Variants in PLA2G4A observed in about 807,000 individuals in gnomAD.
PLA2G4A encodes cytosolic phospholipase A2.
PLA2G4A carries 40 observed loss-of-function variants against 81.9 expected under a neutral mutation model. The ratio of observed to expected loss-of-function variants is 0.49; its 90% CI spans 0.38 to 0.64. The LOEUF (loss-of-function observed/expected upper bound fraction) is 0.64. Among genes scored for constraint, PLA2G4A ranks in the 30% least tolerant of loss-of-function variants. The pLI is 0.00. For synonymous variants in PLA2G4A, 302 were observed against 296.9 expected, an observed-to-expected ratio of 1.02 and a Z score of -0.18; for missense variants, 715 against 905.1, an observed-to-expected ratio of 0.79 and a Z score of 2.69.
At chr1:186,858,849 T>C (rs969840147) in intron 2 of PLA2G4A, among the ~76,000 whole-genome samples, 6 of 152,070 alleles carry the variant, frequency 3.9e-5, no homozygotes, top group African/African-American at 1.4e-4. Context: ...TCTGTGAGCT[T>C]TACAGTTTTC....
At chr1:186,931,516 G>T (rs1655742135) in intron 7 of PLA2G4A, among the ~76,000 whole-genome samples, 1 of 99,854 alleles carries the variant, frequency 1.0e-5, no homozygotes, top group African/African-American at 3.6e-5. Context: ...AAAAATGTTT[G>T]CTATTATTAT....
intron 5 of PLA2G4A, among the ~76,000 whole-genome samples, chr1:186,898,784 A>G (rs1654437459): frequency 6.6e-6 from 1 of 152,234 alleles, no homozygotes; most frequent in African/African-American, 2.4e-5. Context: ...GCAGGTGGCC[A>G]ACAACAGTAT....
At chr1:186,968,897 A>T (rs952923166) in intron 15 of PLA2G4A, among the ~76,000 whole-genome samples, 1 of 13,528 alleles carries the variant, frequency 7.4e-5, no homozygotes, top group African/African-American at 1.2e-4. Context: ...ATTAAAGACG[A>T]AGTAAAAAAA....
At chr1:186,863,728 G>A (rs1480098265) in intron 2 of PLA2G4A, among the ~76,000 whole-genome samples, 1 of 150,900 alleles carries the variant, frequency 6.6e-6, no homozygotes, top group East Asian at 1.9e-4. Context: ...ATGGGTAGAT[G>A]TTGTGCTATT....
intron 3 of PLA2G4A, among the ~76,000 whole-genome samples, chr1:186,884,849 G>T (rs554483209): frequency 6.6e-6 from 1 of 150,604 alleles, no homozygotes; most frequent in South Asian, 2.1e-4. Context: ...GCACCATGGT[G>T]CCACTGCACT....
intron 1 of PLA2G4A, among the ~76,000 whole-genome samples, chr1:186,849,518 C>A (rs1319031314): frequency 6.6e-6 from 1 of 152,022 alleles, no homozygotes; most frequent in Non-Finnish European, 1.5e-5. Flanking sequence ...ACATGATCTG[C>A]CACTGCCTAA....
intron 14 of PLA2G4A, among the ~76,000 whole-genome samples, chr1:186,964,014 A>G (rs1657045936): frequency 6.6e-6 from 1 of 152,222 alleles, no homozygotes; most frequent in Admixed American, 6.5e-5. Context: ...GAATTATAGT[A>G]TTATTCTTAC....
At chr1:186,861,561 C>T (rs977865843) in intron 2 of PLA2G4A, among the ~76,000 whole-genome samples, 1 of 152,162 alleles carries the variant, frequency 6.6e-6, no homozygotes, top group Non-Finnish European at 1.5e-5. Context: ...ACTTAATCTG[C>T]TGTTATCATG....
chr1:186,986,011 T>G (rs528035048), intron 17 of PLA2G4A, among the ~76,000 whole-genome samples: 1 of 152,338 alleles, frequency 6.6e-6, no homozygotes, highest in South Asian at 2.1e-4. Flanking sequence ...ATCACAGAAC[T>G]GTAACTCCCA....
chr1:186,939,167 T>A lies in PLA2G4A; in HGVS notation c.855T>A (p.Ser285=). Residue 285 remains serine, a synonymous_variant, in exon 9 of 18, where the codon TCT becomes TCA. Transcript: ENST00000367466. ...AGTCTTTATGGAAGAAGAAAAGCTC[T>A]GGACAACCTGTCACCTTTACTGATA... is the stretch of plus-strand genomic sequence containing the variant. ...YVESLWKKKS[S]GQPVTFTDIF... is the part of the protein sequence containing the mutation. 1 of 1,609,988 alleles carries A rather than the reference T, an allele frequency of 6.2e-7. No homozygotes were observed. Among genetic ancestry groups the A allele is most frequent in the East Asian group, 2.2e-5 (1 of 44,782 alleles).
intron 5 of PLA2G4A, among the ~76,000 whole-genome samples, chr1:186,894,746 T>G (rs1242686924): frequency 6.6e-6 from 1 of 152,338 alleles, no homozygotes; most frequent in East Asian, 1.9e-4. Context: ...GTTATTGTTA[T>G]CTTTGACTTT....
Position 186,980,591 on chromosome 1 carries a change from G to A in PLA2G4A, c.2118+1119G>A, listed in dbSNP as rs576829597. On this transcript the variant is annotated intron_variant, in intron 17 of 17. Coordinates refer to ENST00000367466, the MANE Select transcript of PLA2G4A (RefSeq NM_024420.3). The stretch of plus-strand genomic sequence containing the variant: ...TCTTTTTGGTGACTGTGTAAATGGC[G>A]CAAAGGAATTCAGAATATGTGAATG... Among the ~76,000 whole-genome samples, 29 of 152,234 alleles carry A rather than the reference G, an allele frequency of 1.9e-4. No homozygotes were observed. In the South Asian group the frequency reaches 5.6e-3, roughly 29 times the overall value.
intron 12 of PLA2G4A, among the ~76,000 whole-genome samples, chr1:186,949,859 CAA>C (rs10592003): frequency 2.7e-5 from 4 of 147,346 alleles, no homozygotes; most frequent in African/African-American, 1.0e-4. Flanking sequence ...TCATTTCTAC[CAA>C]AAAAAAAAAA....
intron 7 of PLA2G4A, among the ~76,000 whole-genome samples, chr1:186,932,185 G>A (rs1169493717): frequency 2.6e-5 from 4 of 152,046 alleles, no homozygotes; most frequent in African/African-American, 9.7e-5. Flanking sequence ...AACAAATATA[G>A]AGTATTATTG....
Position 186,988,936 on chromosome 1 carries a change from TGC to T in PLA2G4A, c.*429_*430del, listed in dbSNP as rs1657983368. ...AGACAACACTATTTTTATTTATATA[TGC>T]ATATATATACATACATGAAATAAAT... is the stretch of plus-strand genomic sequence containing the variant. On this transcript the variant is annotated 3_prime_UTR_variant, in exon 18 of 18. Coordinates refer to ENST00000367466, the MANE Select transcript of PLA2G4A (RefSeq NM_024420.3). 1 of 161,906 alleles carries T rather than the reference TGC, an allele frequency of 6.2e-6. No individual in the cohort carries two copies. The highest frequency in any genetic ancestry group is 2.4e-5 in the African/African-American group (1 of 41,502). The allele number at this position is 161,906 out of a possible 1,614,324, so 10.0% of individuals were successfully genotyped here.
chr1:186,904,729 G>A (rs1443121091), intron 5 of PLA2G4A, among the ~76,000 whole-genome samples: 1 of 152,198 alleles, frequency 6.6e-6, no homozygotes, highest in Non-Finnish European at 1.5e-5. Flanking sequence ...GAATGTCTTA[G>A]CCAAGAAATG....
intron 1 of PLA2G4A, among the ~76,000 whole-genome samples, chr1:186,840,952 C>G (rs960449171): frequency 6.6e-6 from 1 of 152,214 alleles, no homozygotes; most frequent in Non-Finnish European, 1.5e-5. Flanking sequence ...AGAAGTAATG[C>G]TGTTGTCAAA....
In PLA2G4A at chr1:186,988,725, G is replaced by A; in HGVS notation, c.*217G>A. On this transcript the variant is annotated 3_prime_UTR_variant, in exon 18 of 18. Coordinates refer to ENST00000367466, the MANE Select transcript of PLA2G4A (RefSeq NM_024420.3). ...AAGGATATACTTAGCTACATTTTCA[G>A]TCAGTATGAACTTCCTGATACAAAT... is the stretch of plus-strand genomic sequence containing the variant. 2 of 432,448 alleles carry A rather than the reference G, an allele frequency of 4.6e-6. No homozygotes were observed. The highest frequency in any genetic ancestry group is 8.7e-6 in the Non-Finnish European group (2 of 230,618). 26.8% of individuals were successfully genotyped at this position (432,448 alleles called of 1,614,324 possible).
At chr1:186,970,477 T>C (rs1657313851) in intron 15 of PLA2G4A, among the ~76,000 whole-genome samples, 1 of 152,134 alleles carries the variant, frequency 6.6e-6, no homozygotes, top group Non-Finnish European at 1.5e-5. Context: ...AAGAAATCTT[T>C]GCCCAGATCA....
Sources: gnomAD v4.1 joint callset for allele counts (sites outside exome capture counted in the v4.1 genomes callset) on GRCh38, gnomAD v4.1.1 for gene constraint, MANE v1.5 for transcripts, NCBI Gene and HGNC (gene_info 2026-07-23, HGNC 2026-07-21) for gene names.